CHRNA5: variants seen among roughly 807,000 people sequenced by gnomAD.
CHRNA5 encodes neuronal acetylcholine receptor subunit alpha-5.
CHRNA5 carries 28 observed loss-of-function variants against 41.2 expected under a neutral mutation model. The observed-to-expected ratio is 0.68, with a 90% confidence interval of 0.50 to 0.93. The LOEUF is 0.93. CHRNA5 is among the 40% of genes least tolerant of loss of function. The pLI is 0.00. For synonymous variants in CHRNA5, 188 were observed against 205.8 expected (o/e 0.91, Z 0.74); for missense variants, 481 against 581.9 (o/e 0.83, Z 1.78).
At chr15:78,593,113 A>C in exon 6 of CHRNA5, 1 of 1,609,488 alleles carries the variant, frequency 6.2e-7, no homozygotes, top group South Asian at 1.1e-5. Context: ...TTGGAAATTC[A>C]TAGCCCAGGT....
chr15:78,590,414 TTCC>T, exon 5 of CHRNA5: 1 of 1,614,206 alleles, frequency 6.2e-7, no homozygotes, highest in Admixed American at 1.7e-5. Context: ...ATCATCGTTC[TTCC>T]TCAACACATA....
At chr15:78,568,634 GC>G (rs2052771504) in intron 1 of CHRNA5, among the ~76,000 whole-genome samples, 1 of 151,732 alleles carries the variant, frequency 6.6e-6, no homozygotes, top group African/African-American at 2.4e-5. Context: ...CCCTCCCCTT[GC>G]CCCCAACCTC....
At chr15:78,582,586 T>G (rs1431660829) in intron 2 of CHRNA5, among the ~76,000 whole-genome samples, 1 of 152,092 alleles carries the variant, frequency 6.6e-6, no homozygotes, top group Non-Finnish European at 1.5e-5. Context: ...TAGAAAACTG[T>G]AGCACTAAAT....
chr15:78,590,518 A>C (rs769498175), exon 5 of CHRNA5: 1 of 1,614,222 alleles, frequency 6.2e-7, no homozygotes, highest in Admixed American at 1.7e-5. Context: ...TACTTCACTC[A>C]GAAAGAGGAA....
intron 1 of CHRNA5, among the ~76,000 whole-genome samples, chr15:78,576,248 T>C (rs1197591349): frequency 2.6e-5 from 4 of 152,182 alleles, no homozygotes; most frequent in South Asian, 4.1e-4. Context: ...CCAGGTTCAA[T>C]AGATCCTCCT....
At chr15:78,592,721 TAG>T (rs1239923108) in intron 5 of CHRNA5, among the ~76,000 whole-genome samples, 7 of 152,240 alleles carry the variant, frequency 4.6e-5, no homozygotes, top group African/African-American at 1.4e-4. Flanking sequence ...AATCTCAGGC[TAG>T]AGTCTCTCAA....
chr15:78,593,143 T>G (rs776726741), exon 6 of CHRNA5: 27 of 1,613,776 alleles, frequency 1.7e-5, no homozygotes, highest in East Asian at 2.2e-5. Context: ...GATGTTTCTG[T>G]GGACTTTTCT....
rs2053005967 is a variant in CHRNA5 at position 78,590,771 on chromosome 15, A to T, written c.1245+135A>T. The stretch of plus-strand genomic sequence containing the variant: ...TAGATTGAGGGCCAGAATTGTTGAC[A>T]TATTTTCTATAAAAGATCTTTACTA... On this transcript the variant is annotated intron_variant, in intron 5 of 5. Transcript: ENST00000299565. The T allele has an allele frequency of 4.2e-6, 3 of 706,210 alleles. No homozygotes were observed. In the East Asian group the frequency reaches 8.3e-5, roughly 19 times the overall value. The allele number at this position is 706,210 out of a possible 1,614,324, so 43.7% of individuals were successfully genotyped here. A position where few individuals can be genotyped will look rare whatever the true frequency, so the allele number is the denominator to read the frequency against.
intron 1 of CHRNA5, among the ~76,000 whole-genome samples, chr15:78,573,714 A>C (rs567948898): frequency 6.6e-6 from 1 of 152,190 alleles, no homozygotes; most frequent in Non-Finnish European, 1.5e-5. Flanking sequence ...CTTTTTTCCA[A>C]ATCATTACCT....
intron 2 of CHRNA5, 22 bp from the exon 3 acceptor site, chr15:78,586,623 T>C (rs200704018): frequency 7.0e-5 from 97 of 1,387,960 alleles, no homozygotes; most frequent in Non-Finnish European, 9.3e-5. Context: ...ATCAATCTTA[T>C]TTAAATTTTT....
chr15:78,574,143 G>A (rs2052833940), intron 1 of CHRNA5, among the ~76,000 whole-genome samples: 1 of 151,126 alleles, frequency 6.6e-6, no homozygotes, highest in Non-Finnish European at 1.5e-5. Context: ...CTCAGGGGGA[G>A]GCCAAGGCGG....
chr15:78,566,804 G>T (rs2141392389), intron 1 of CHRNA5, among the ~76,000 whole-genome samples: 1 of 151,830 alleles, frequency 6.6e-6, no homozygotes, highest in Non-Finnish European at 1.5e-5. Context: ...AGAGAAATAA[G>T]ATGGAGGGTG....
At chr15:78,583,128 G>GT (rs1354479192) in intron 2 of CHRNA5, among the ~76,000 whole-genome samples, 1 of 151,890 alleles carries the variant, frequency 6.6e-6, no homozygotes, top group Non-Finnish European at 1.5e-5. Context: ...TTTATTCCTT[G>GT]TATCTGTCCC....
chr15:78,592,128 C>T (rs745628938), intron 5 of CHRNA5, among the ~76,000 whole-genome samples: 3 of 152,030 alleles, frequency 2.0e-5, no homozygotes, highest in Non-Finnish European at 4.4e-5. Context: ...TTGAGACCAG[C>T]CTGGCCAATA....
intron 1 of CHRNA5, among the ~76,000 whole-genome samples, chr15:78,575,370 A>G (rs2052847444): frequency 6.6e-6 from 1 of 152,156 alleles, no homozygotes; most frequent in South Asian, 2.1e-4. Flanking sequence ...TAGAAGAATT[A>G]TCCCATTTAA....
chr15:78,590,443 T>G (rs2141422260), exon 5 of CHRNA5: 1 of 1,614,220 alleles, frequency 6.2e-7, no homozygotes. Flanking sequence ...ATGGCGCCTT[T>G]GGTCCGCAAG....
chr15:78,574,911 T>G (rs1159279094), intron 1 of CHRNA5, among the ~76,000 whole-genome samples: 1 of 149,392 alleles, frequency 6.7e-6, no homozygotes, highest in Non-Finnish European at 1.5e-5. Context: ...AGATCGAGGC[T>G]GCAGTGAGCC....
At position 78,592,961 on chromosome 15, in the gene CHRNA5, G is replaced by T. The variant is rs113619302; in HGVS notation, c.1246-131G>T. 1.4e-5 allele frequency: 15 copies of T among 1,066,584 alleles called. No homozygotes were observed. In the African/African-American group the frequency reaches 1.4e-4, roughly 10 times the overall value. The allele number at this position is 1,066,584 out of a possible 1,614,324, so 66.1% of individuals were successfully genotyped here. A position where few individuals can be genotyped will look rare whatever the true frequency, so the allele number is the denominator to read the frequency against. On this transcript the variant is annotated intron_variant, in intron 5 of 5. Coordinates refer to ENST00000299565, the Ensembl canonical transcript of CHRNA5. Reference sequence around the variant, plus strand: ...TGTCTGTCCCTGAGCTGAGTATAGGGTCACTTACCGTTTAGAGGCAGCAAT... The same window carrying T: ...TGTCTGTCCCTGAGCTGAGTATAGGTTCACTTACCGTTTAGAGGCAGCAAT...
chr15:78,584,534 TA>T (rs1334454155), intron 2 of CHRNA5, among the ~76,000 whole-genome samples: 18 of 152,252 alleles, frequency 1.2e-4, no homozygotes, highest in African/African-American at 4.3e-4. Flanking sequence ...CGGTATCCCT[TA>T]TGGTAATGGC....
Sources: allele counts gnomAD v4.1 joint callset (sites outside exome capture counted in the v4.1 genomes callset), GRCh38; gene constraint gnomAD v4.1.1; transcripts MANE v1.5; gene names NCBI Gene and HGNC (gene_info 2026-07-23, HGNC 2026-07-21).